Variants in NLRP7 observed in about 807,000 individuals in gnomAD.
NLRP7 encodes NLR family pyrin domain containing 7.
NLRP7 carries 72 observed loss-of-function variants against 85.5 expected under a neutral mutation model. That is an observed-to-expected ratio of 0.84 (90% CI 0.70 to 1.02). The LOEUF is 1.02. Ranked by LOEUF, NLRP7 falls within the 50% of genes least tolerant of loss-of-function variation. The probability of loss-of-function intolerance (pLI) is 0.00; values close to 1 mark genes in which losing one functional copy is unlikely to be tolerated. For synonymous variants in NLRP7, 550 were observed against 505.2 expected, an observed-to-expected ratio of 1.09 and a Z score of -1.19; for missense variants, 1,243 against 1,219.5, an observed-to-expected ratio of 1.02 and a Z score of -0.29.
At position 54,936,735 on chromosome 19, in the gene NLRP7, G is replaced by C. The variant is rs104895539; in HGVS notation, c.2130-304C>G. Reference sequence around the variant, plus strand: ...TTCGAGACCAGCCTGGCCAACATGGGGAAGCCCCGTCTCTACTAAAAATAC... The same window carrying C: ...TTCGAGACCAGCCTGGCCAACATGGCGAAGCCCCGTCTCTACTAAAAATAC... On this transcript the variant is annotated intron_variant, in intron 5 of 9. Coordinates refer to ENST00000340844, the Ensembl canonical transcript of NLRP7. Among the ~76,000 whole-genome samples, 5,037 of 151,878 alleles carry C rather than the reference G, an allele frequency of 0.033. 265 individuals carry two copies. The highest frequency in any genetic ancestry group is 0.11 in the African/African-American group (4,598 of 41,392).
rs184844567 is a variant in NLRP7 at position 54,923,720 on chromosome 19, G to A, written c.*20C>T. On this transcript the variant is annotated 3_prime_UTR_variant, in exon 10 of 10. Coordinates refer to ENST00000340844, the Ensembl canonical transcript of NLRP7. The stretch of plus-strand genomic sequence containing the variant: ...CCGAATCCCGCTTCCTGTGTAATTC[G>A]TAGAGCGATCCCAGGCTGCTCAGCA... 341 of 1,612,180 alleles carry A rather than the reference G, an allele frequency of 2.1e-4. 2 individuals are homozygous for A. The highest frequency in any genetic ancestry group is 3.8e-4 in the East Asian group (17 of 44,872).
intron 1 of NLRP7, chr19:54,953,199 C>CTCCTCAGACACCTCGG (rs2069727401): frequency 6.6e-6 from 1 of 152,146 alleles, no homozygotes; most frequent in Non-Finnish European, 1.5e-5. Flanking sequence ...ACAGACAAAA[C>CTCCTCAGACACCTCGG]TCCTCAGACA....
At chr19:54,947,385 A>T in intron 1 of NLRP7, 84 bp downstream of exon 1, 1 of 1,032,540 alleles carries the variant, frequency 9.7e-7, no homozygotes, top group Middle Eastern at 2.7e-4. Context: ...AAGGCTTGGG[A>T]AGGGCTATGG....
In NLRP7 at chr19:54,940,182, T is replaced by C. The variant is rs764601486; in HGVS notation, c.637A>G (p.Lys213Glu). The change falls in exon 4 of 10, where the codon AAG becomes GAG. Residue 213 changes from lysine to glutamate, a missense_variant. This residue lies in a region of NLRP7 where 591 missense variants were observed against 563.3 expected (regional missense o/e 1.05). Transcript: ENST00000340844. ...CAGGGGCCCATGCGGCTGAGCTCCT[T>C]GCAGCTGAGGTAGAACGCGTATCTG... 4 of 1,614,206 alleles carry C rather than the reference T, an allele frequency of 2.5e-6. No homozygotes were observed. The South Asian group carries it at 4.4e-5, about 18-fold the overall frequency.
rs1432422363 is a variant in NLRP7 at position 54,940,166 on chromosome 19, A to C, written c.653T>G (p.Met218Arg). 2.5e-6 allele frequency: 4 copies of C among 1,614,072 alleles called. No individual in the cohort carries two copies. In the African/African-American group the frequency reaches 5.3e-5, roughly 22 times the overall value. Residue 218 changes from methionine to arginine, a missense_variant, in exon 4 of 10, where the codon ATG becomes AGG. Around this residue, in one of 3 missense-constraint regions of NLRP7, gnomAD observed 591 missense variants for 563.3 expected, o/e 1.05. Coordinates refer to ENST00000340844, the Ensembl canonical transcript of NLRP7. Reference sequence around the variant, plus strand: ...CAGCTCTGCAAAACTGCAGGGGCCCATGCGGCTGAGCTCCTTGCAGCTGAG... The same window carrying C: ...CAGCTCTGCAAAACTGCAGGGGCCCCTGCGGCTGAGCTCCTTGCAGCTGAG...
chr19:54,958,284 AAG>A (rs2069923996), intron 1 of NLRP7, among the ~76,000 whole-genome samples: 4 of 152,146 alleles, frequency 2.6e-5, no homozygotes, highest in Admixed American at 6.6e-5. Context: ...AGTAGGGAGA[AAG>A]AGGTGGGAAA....
Position 54,927,512 on chromosome 19 carries a change from C to T in NLRP7, c.2810+2987G>A, listed in dbSNP as rs60153533. Reference sequence around the variant, plus strand: ...CAGAGGTTGCGGTGAGCCAAGATTGCGCCACTGCACTCCAGCCTGAATGAC... The same window carrying T: ...CAGAGGTTGCGGTGAGCCAAGATTGTGCCACTGCACTCCAGCCTGAATGAC... On this transcript the variant is annotated intron_variant, in intron 9 of 9. Coordinates refer to ENST00000340844, the Ensembl canonical transcript of NLRP7. 9.8e-4 allele frequency: 1,246 copies of T among 1,271,588 alleles called. 12 individuals are homozygous for T. The African/African-American group carries it at 0.016, about 16-fold the overall frequency. 78.8% of individuals were successfully genotyped at this position (1,271,588 alleles called of 1,614,324 possible).
exon 9 of NLRP7, chr19:54,930,543 G>C (rs750297430): frequency 6.2e-7 from 1 of 1,612,532 alleles, no homozygotes; most frequent in Non-Finnish European, 8.5e-7. Flanking sequence ...ATGCCTGACA[G>C]AGAATCCACA....
exon 4 of NLRP7, chr19:54,940,028 G>A (rs145414201): frequency 1.8e-5 from 29 of 1,614,140 alleles, no homozygotes; most frequent in African/African-American, 4.0e-5. Context: ...CTGGATCAGC[G>A]CCCCAGGTGG....
Position 54,941,752 on chromosome 19 carries a change from TG to T in NLRP7, c.-39-3del, listed in dbSNP as rs763514303. 56 of 1,585,228 alleles carry T rather than the reference TG, an allele frequency of 3.5e-5. No individual in the cohort carries two copies. The highest frequency in any genetic ancestry group is 1.2e-4 in the South Asian group (10 of 86,194). ...AGACCTTAGGTTAAGGCTGAAGAACTGGGGGGAAAAAAGGAAAAACAGTTCA... is the reference window on the plus strand; with the variant it reads ...AGACCTTAGGTTAAGGCTGAAGAACTGGGGGAAAAAAGGAAAAACAGTTCA... On this transcript the variant is annotated splice_region_variant and splice_polypyrimidine_tract_variant and intron_variant, in intron 1 of 9. Coordinates refer to ENST00000340844, the Ensembl canonical transcript of NLRP7.
At chr19:54,937,001 G>A (rs1216684922) in intron 5 of NLRP7, among the ~76,000 whole-genome samples, 2 of 151,634 alleles carry the variant, frequency 1.3e-5, no homozygotes, top group Non-Finnish European at 2.9e-5. Flanking sequence ...GGTGGATCAC[G>A]AGGTCAGGAG....
At chr19:54,960,315 C>T (rs549961730) in intron 1 of NLRP7, among the ~76,000 whole-genome samples, 67 of 151,858 alleles carry the variant, frequency 4.4e-4, no homozygotes, top group African/African-American at 1.6e-3. Flanking sequence ...GCCGCCACAC[C>T]CAGCTAACTT....
Position 54,924,010 on chromosome 19 carries a change from C to CGGG in NLRP7, c.2811-139_2811-138insCCC, listed in dbSNP as rs1438031617. On this transcript the variant is annotated intron_variant, in intron 9 of 9. Transcript: ENST00000340844. ...GGGGACAGGGTCTTGCTCTGTTGCC[C>CGGG]AGGCTGGGGTACAGTGGTGCCATCT... The CGGG allele has an allele frequency of 6.8e-5, 62 of 915,994 alleles. No individual in the cohort carries two copies. In the Admixed American group the frequency reaches 9.9e-4, roughly 15 times the overall value. The allele number at this position is 915,994 out of a possible 1,614,324, so 56.7% of individuals were successfully genotyped here.
At chr19:54,927,666 T>G in intron 9 of NLRP7, 1 of 1,614,200 alleles carries the variant, frequency 6.2e-7, no homozygotes, top group Non-Finnish European at 8.5e-7. Context: ...ATTATGCCAC[T>G]CTTCCACAAA....
intron 5 of NLRP7, 99 bp downstream of exon 5, chr19:54,937,945 C>CATG: frequency 1.5e-6 from 1 of 684,824 alleles, no homozygotes; most frequent in Non-Finnish European, 2.6e-6. Context: ...TCCCCAAATA[C>CATG]ATGGAGATGA....
At chr19:54,936,186 C>G in intron 6 of NLRP7, 75 bp downstream of exon 6, 1 of 1,393,170 alleles carries the variant, frequency 7.2e-7, no homozygotes, top group South Asian at 1.2e-5. Context: ...AGTGGTTACC[C>G]TTTTTCCTAG....
At chr19:54,939,003 G>T (rs1481037311) in exon 4 of NLRP7, 50 of 1,614,066 alleles carry the variant, frequency 3.1e-5, no homozygotes, top group Non-Finnish European at 4.2e-5. Context: ...AAGGAACAAT[G>T]CATCACTTCA....
At chr19:54,956,319 G>T (rs917928956) in intron 1 of NLRP7, among the ~76,000 whole-genome samples, 1 of 152,118 alleles carries the variant, frequency 6.6e-6, no homozygotes, top group Non-Finnish European at 1.5e-5. Context: ...ACACCCAGCT[G>T]GTCTCTGCTG....
At chr19:54,925,917 G>T (rs1333711549) in intron 9 of NLRP7, among the ~76,000 whole-genome samples, 1 of 151,648 alleles carries the variant, frequency 6.6e-6, no homozygotes, top group South Asian at 2.1e-4. Flanking sequence ...GGAGAATGGC[G>T]TGAACCCGGG....
Sources: allele counts gnomAD v4.1 joint callset (sites outside exome capture counted in the v4.1 genomes callset), GRCh38; gene constraint gnomAD v4.1.1; regional missense constraint gnomAD v4.1.1; transcripts MANE v1.5; gene names NCBI Gene and HGNC (gene_info 2026-07-23, HGNC 2026-07-21).